Variants in NME9 observed in about 807,000 individuals in gnomAD.
The protein encoded by NME9 is NME/NM23 family member 9.
A neutral mutation model predicts 44.4 loss-of-function variants in NME9; 48 were observed. That is an observed-to-expected ratio of 1.08 (90% CI 0.86 to 1.37). NME9 has a LOEUF of 1.37. NME9 is among the 40% of genes most tolerant of loss of function. The pLI, the probability that NME9 is intolerant of heterozygous loss-of-function variation, is 0.00. For synonymous variants in NME9, 139 were observed against 147.1 expected (o/e 0.94, Z 0.40); for missense variants, 325 against 405.2 (o/e 0.80, Z 1.70).
At chr3:138,322,485 G>GGTGT (rs10580643) in intron 2 of NME9, among the ~76,000 whole-genome samples, 6,059 of 146,366 alleles carry the variant, frequency 0.041, 137 homozygotes, top group African/African-American at 0.064. Context: ...AAGAAAAAGG[G>GGTGT]GTGTGTGTGT....
chr3:138,312,894 C>T (rs952192560), intron 6 of NME9, among the ~76,000 whole-genome samples: 1 of 151,938 alleles, frequency 6.6e-6, no homozygotes, highest in Non-Finnish European at 1.5e-5. Flanking sequence ...ATAAGGAGCT[C>T]AAACAACTTA....
chr3:138,312,733 A>G (rs1229779306), intron 6 of NME9, among the ~76,000 whole-genome samples: 1 of 152,240 alleles, frequency 6.6e-6, no homozygotes, highest in African/African-American at 2.4e-5. Flanking sequence ...AGCATAGGCA[A>G]CAAAAGCAAA....
At chr3:138,277,778 T>C (rs1226566865) in intron 8 of NME9, among the ~76,000 whole-genome samples, 2 of 152,202 alleles carry the variant, frequency 1.3e-5, no homozygotes, top group Non-Finnish European at 2.9e-5. Flanking sequence ...GCAATGCCAT[T>C]CCTAGCCGTT....
intron 6 of NME9, 123 bp from the exon 7 acceptor site, chr3:138,306,603 T>C (rs777174047): frequency 7.4e-5 from 47 of 636,488 alleles, no homozygotes; most frequent in Non-Finnish European, 1.2e-4. Context: ...AGGCTTGGGC[T>C]CTCAGAGTTC....
intron 8 of NME9, chr3:138,264,119 T>G (rs1197444870): frequency 6.2e-7 from 1 of 1,606,052 alleles, no homozygotes; most frequent in African/African-American, 1.3e-5. Context: ...TAATTTTGAT[T>G]ATTCTTTGTA....
At chr3:138,304,805 G>A (rs1395477481) in intron 9 of NME9, 68 bp downstream of exon 9, 2 of 1,471,884 alleles carry the variant, frequency 1.4e-6, no homozygotes, top group Non-Finnish European at 1.9e-6. Context: ...GCTGAACACT[G>A]AGTGGGACTC....
At chr3:138,315,703 A>T in intron 4 of NME9, 60 bp from the exon 5 acceptor site, 1 of 1,338,778 alleles carries the variant, frequency 7.5e-7, no homozygotes, top group South Asian at 1.3e-5. Flanking sequence ...CTTGTAAGAG[A>T]TGGCAAGAGT....
At chr3:138,270,469 T>G (rs2108295724) in intron 8 of NME9, among the ~76,000 whole-genome samples, 1 of 152,344 alleles carries the variant, frequency 6.6e-6, no homozygotes, top group South Asian at 2.1e-4. Context: ...TCATATCTCC[T>G]TTGCTCTTCA....
chr3:138,268,822 G>C (rs2048519499), intron 8 of NME9, among the ~76,000 whole-genome samples: 1 of 152,096 alleles, frequency 6.6e-6, no homozygotes. Context: ...CAAAGTGGGG[G>C]AGGGAAATGC....
At chr3:138,263,972 G>A in intron 8 of NME9, 2 of 954,074 alleles carry the variant, frequency 2.1e-6, no homozygotes, top group Non-Finnish European at 1.6e-6. Context: ...GTCTAACAGA[G>A]AGCCTGGCCT....
At chr3:138,268,379 A>G (rs2108286573) in intron 8 of NME9, among the ~76,000 whole-genome samples, 1 of 152,360 alleles carries the variant, frequency 6.6e-6, no homozygotes, top group East Asian at 1.9e-4. Flanking sequence ...CAGAGCTTCC[A>G]TCAGTTCTCT....
intron 8 of NME9, among the ~76,000 whole-genome samples, chr3:138,268,229 G>A (rs1429186337): frequency 1.3e-5 from 2 of 151,822 alleles, no homozygotes; most frequent in African/African-American, 4.8e-5. Flanking sequence ...GGCAAAAGAG[G>A]GAGACTCCAT....
At chr3:138,284,219 A>G (rs1195975897) in intron 8 of NME9, among the ~76,000 whole-genome samples, 1 of 152,166 alleles carries the variant, frequency 6.6e-6, no homozygotes, top group African/African-American at 2.4e-5. Context: ...AAACCACCAA[A>G]GTGTTGGGGT....
chr3:138,312,212 C>T (rs1392679494), intron 6 of NME9, among the ~76,000 whole-genome samples: 3 of 152,104 alleles, frequency 2.0e-5, no homozygotes, highest in African/African-American at 7.2e-5. Context: ...TTTACAGATT[C>T]AATGCAATCC....
At chr3:138,269,799 T>C (rs1166327459) in intron 8 of NME9, among the ~76,000 whole-genome samples, 3 of 148,204 alleles carry the variant, frequency 2.0e-5, no homozygotes, top group South Asian at 2.1e-4. Flanking sequence ...AATGACAGAG[T>C]GGTTTGGTTT....
chr3:138,265,488 C>T (rs1399727028), intron 8 of NME9, among the ~76,000 whole-genome samples: 1 of 152,112 alleles, frequency 6.6e-6, no homozygotes, highest in Non-Finnish European at 1.5e-5. Context: ...GTACAGTGAG[C>T]TACCAAAAAC....
At chr3:138,268,668 C>G (rs1303674470) in intron 8 of NME9, among the ~76,000 whole-genome samples, 1 of 151,884 alleles carries the variant, frequency 6.6e-6, no homozygotes, top group African/African-American at 2.4e-5. Flanking sequence ...TCTAGCTACT[C>G]GAGAGGCCGA....
chr3:138,312,430 C>T (rs539692491), intron 6 of NME9, among the ~76,000 whole-genome samples: 39 of 151,958 alleles, frequency 2.6e-4, no homozygotes, highest in Middle Eastern at 6.8e-3. Flanking sequence ...CACAGAATAG[C>T]GAACCCAGAT....
intron 6 of NME9, among the ~76,000 whole-genome samples, chr3:138,307,699 CA>C (rs932960257): frequency 2.6e-5 from 4 of 152,090 alleles, no homozygotes; most frequent in Admixed American, 1.3e-4. Context: ...GAGACCAAAG[CA>C]GGGGCCTGGG....
Sources: allele counts gnomAD v4.1 joint callset (sites outside exome capture counted in the v4.1 genomes callset), GRCh38; gene constraint gnomAD v4.1.1; transcripts MANE v1.5; gene names NCBI Gene and HGNC (gene_info 2026-07-23, HGNC 2026-07-21).